Variants in PBRM1 observed in about 807,000 individuals in gnomAD.
PBRM1 encodes the protein polybromo 1.
PBRM1 carries 27 observed loss-of-function variants against 194.5 expected under a neutral mutation model. The observed-to-expected ratio is 0.14, with a 90% CI of 0.10 to 0.19. The LOEUF (loss-of-function observed/expected upper bound fraction) is 0.19, where lower values mean the gene tolerates loss of function less well. PBRM1 is among the 10% of genes least tolerant of loss of function. PBRM1 has a pLI of 1.00. For missense variants in PBRM1, 1,466 were observed against 2,077.2 expected, an observed-to-expected ratio of 0.71 and a Z score of 5.72; for synonymous variants, 655 against 693.2, an observed-to-expected ratio of 0.94 and a Z score of 0.87.
At chr3:52,625,575 CTTT>C (rs747413256) in intron 13 of PBRM1, among the ~76,000 whole-genome samples, 4 of 138,570 alleles carry the variant, frequency 2.9e-5, no homozygotes, top group Non-Finnish European at 3.2e-5. Context: ...TAATGCTTAA[CTTT>C]TTTTTTTTTT....
chr3:52,562,110 A>G, intron 24 of PBRM1, 142 bp from the exon 27 acceptor site: 1 of 655,874 alleles, frequency 1.5e-6, no homozygotes. Context: ...TCACAAGGTC[A>G]GGAGATTGAG....
intron 10 of PBRM1, among the ~76,000 whole-genome samples, chr3:52,636,683 GA>G (rs1269716388): frequency 7.4e-6 from 1 of 135,534 alleles, no homozygotes; most frequent in Non-Finnish European, 1.5e-5. Context: ...CTTGAAACCA[GA>G]AGGCGGAGAT....
chr3:52,554,730 G>A (rs1248596646), exon 27 of PBRM1: 2 of 1,551,806 alleles, frequency 1.3e-6, no homozygotes, highest in Non-Finnish European at 1.7e-6. Flanking sequence ...TTACCCGGTG[G>A]TGGGATGCCC....
chr3:52,678,701 G>T, intron 1 of PBRM1, 104 bp from the exon 3 acceptor site: 2 of 652,148 alleles, frequency 3.1e-6, no homozygotes, highest in African/African-American at 1.8e-5. Flanking sequence ...AAGTAGAGAA[G>T]AAAAATGATG....
At chr3:52,568,636 A>T (rs2086086751) in intron 22 of PBRM1, among the ~76,000 whole-genome samples, 1 of 152,158 alleles carries the variant, frequency 6.6e-6, no homozygotes, top group Non-Finnish European at 1.5e-5. Context: ...TGAAGTTAAG[A>T]TGTGGGATAT....
chr3:52,601,299 G>A (rs916517309), intron 17 of PBRM1, among the ~76,000 whole-genome samples: 3 of 152,180 alleles, frequency 2.0e-5, no homozygotes, highest in Admixed American at 6.5e-5. Context: ...GACCAGTTTC[G>A]TGGAAGATAA....
At chr3:52,562,834 C>G (rs1296023894) in intron 24 of PBRM1, among the ~76,000 whole-genome samples, 2 of 152,038 alleles carry the variant, frequency 1.3e-5, no homozygotes, top group African/African-American at 2.4e-5. Context: ...AGCAACCATG[C>G]CTGGCCAAGT....
At chr3:52,605,425 C>G (rs2094284141) in intron 16 of PBRM1, among the ~76,000 whole-genome samples, 1 of 152,126 alleles carries the variant, frequency 6.6e-6, no homozygotes, top group South Asian at 2.1e-4. Context: ...AAGGTCTTAG[C>G]AGTTACAGAG....
At chr3:52,583,114 A>AC (rs1325807635) in intron 20 of PBRM1, among the ~76,000 whole-genome samples, 3 of 119,300 alleles carry the variant, frequency 2.5e-5, no homozygotes, top group Middle Eastern at 5.4e-3. Context: ...AAAAAAAAAA[A>AC]AAAAAACTAA....
intron 17 of PBRM1, among the ~76,000 whole-genome samples, chr3:52,593,828 G>T (rs1042614966): frequency 1.3e-5 from 2 of 152,114 alleles, no homozygotes; most frequent in Non-Finnish European, 2.9e-5. Flanking sequence ...ATTTTCTGAG[G>T]ATTGTTTTAT....
chr3:52,580,642 G>A (rs1330280576), intron 20 of PBRM1, among the ~76,000 whole-genome samples: 8 of 152,152 alleles, frequency 5.3e-5, no homozygotes, highest in Admixed American at 3.9e-4. Flanking sequence ...GATTACAGGC[G>A]TGAGCCACTG....
At chr3:52,613,401 T>A (rs1395731568) in intron 15 of PBRM1, among the ~76,000 whole-genome samples, 2 of 151,374 alleles carry the variant, frequency 1.3e-5, no homozygotes, top group Non-Finnish European at 2.9e-5. Context: ...GTGGGCATGA[T>A]CAGGGTTCAC....
chr3:52,565,614 A>G (rs1355661918), intron 22 of PBRM1, among the ~76,000 whole-genome samples: 1 of 152,216 alleles, frequency 6.6e-6, no homozygotes, highest in Non-Finnish European at 1.5e-5. Flanking sequence ...TGCAAATCAT[A>G]TATCTAGTAA....
chr3:52,587,533 AG>A, intron 18 of PBRM1, 23 bp from the exon 21 acceptor site: 1 of 1,505,704 alleles, frequency 6.6e-7, no homozygotes. Flanking sequence ...GGGTGGGGGA[AG>A]GGGAAGAGAA....
rs1182375323 is a variant in PBRM1 at position 52,601,191 on chromosome 3, A to G, written c.2779+2330T>C. ...TGAATCTGGGTTTGTACAGTAGTGT[A>G]ATCTCTGTATGATTCCTTCTACTGT... On this transcript the variant is annotated intron_variant, in intron 17 of 29. Coordinates refer to ENST00000296302, the Ensembl canonical transcript of PBRM1. 2.6e-5 allele frequency among the ~76,000 whole-genome samples: 4 copies of G among 152,158 alleles called. No homozygotes were observed. The East Asian group carries it at 7.7e-4, about 29-fold the overall frequency.
intron 10 of PBRM1, 92 bp from the exon 12 acceptor site, chr3:52,634,907 C>T (rs1225375904): frequency 1.0e-5 from 9 of 866,954 alleles, no homozygotes; most frequent in African/African-American, 1.0e-4. Flanking sequence ...CCAGATTGAA[C>T]TAAATATATT....
At chr3:52,557,621 C>CT (rs71084189) in intron 26 of PBRM1, among the ~76,000 whole-genome samples, 8,969 of 149,842 alleles carry the variant, frequency 0.06, 355 homozygotes, top group Non-Finnish European at 0.085. Flanking sequence ...TTTTCTTTTT[C>CT]TTTTTTTTTT....
intron 17 of PBRM1, among the ~76,000 whole-genome samples, chr3:52,601,118 TC>T (rs1454962944): frequency 2.0e-5 from 3 of 152,240 alleles, no homozygotes; most frequent in African/African-American, 7.2e-5. Context: ...AGAGGACTTC[TC>T]CCTGAAGATG....
chr3:52,615,043 C>A (rs1314439277), intron 15 of PBRM1, among the ~76,000 whole-genome samples: 3 of 152,150 alleles, frequency 2.0e-5, no homozygotes, highest in African/African-American at 7.2e-5. Flanking sequence ...AAAAAAAAAT[C>A]TGCTACTATA....
Sources: gnomAD v4.1 joint callset for allele counts (sites outside exome capture counted in the v4.1 genomes callset) on GRCh38, gnomAD v4.1.1 for gene constraint, MANE v1.5 for transcripts, NCBI Gene and HGNC (gene_info 2026-07-23, HGNC 2026-07-21) for gene names.